Variants in PDE4D observed in about 807,000 individuals in gnomAD.
The protein encoded by PDE4D is 3',5'-cyclic-AMP phosphodiesterase 4D.
In PDE4D, 24 loss-of-function variants were observed where a neutral mutation model predicts 87.4. The observed-to-expected ratio is 0.27, with a 90% CI of 0.20 to 0.39. PDE4D has a LOEUF of 0.39. Among genes scored for constraint, PDE4D ranks in the 10% least tolerant of loss-of-function variants. PDE4D has a pLI of 1.00. For synonymous variants in PDE4D, 384 were observed against 383.2 expected (o/e 1.00, Z -0.02); for missense variants, 714 against 1,041.0 (o/e 0.69, Z 4.32).
chr5:59,477,604 A>G (rs886555393), intron 1 of PDE4D, among the ~76,000 whole-genome samples: 2 of 152,130 alleles, frequency 1.3e-5, no homozygotes, highest in Non-Finnish European at 2.9e-5. Flanking sequence ...GTTGGTGGAC[A>G]TGTAAATTAC....
intron 1 of PDE4D, among the ~76,000 whole-genome samples, chr5:60,383,969 G>A (rs1010399576): frequency 6.6e-6 from 1 of 152,154 alleles, no homozygotes; most frequent in African/African-American, 2.4e-5. Flanking sequence ...TACTGTAATA[G>A]CTAAGCAGTC....
At chr5:59,450,434 T>C (rs1214382471) in intron 1 of PDE4D, among the ~76,000 whole-genome samples, 2 of 152,200 alleles carry the variant, frequency 1.3e-5, no homozygotes, top group African/African-American at 2.4e-5. Context: ...CTGAGTACAC[T>C]GTGTCCATCT....
In PDE4D at chr5:59,485,553, C is replaced by G. The variant is rs1056108036; in HGVS notation, c.456-269585G>C. Among the ~76,000 whole-genome samples, 6 of 151,894 alleles carry G rather than the reference C, an allele frequency of 4.0e-5. No homozygotes were observed. The East Asian group carries it at 1.2e-3, about 29-fold the overall frequency. ...ATGATGCTTTGAAGAAAGGCTACTA[C>G]CAAACTTAGCAGTTACATATTTTTA... On this transcript the variant is annotated intron_variant, in intron 1 of 14. Coordinates refer to ENST00000340635, the MANE Select transcript of PDE4D (RefSeq NM_001104631.2).
At chr5:59,201,172 T>A (rs938460956) in intron 2 of PDE4D, among the ~76,000 whole-genome samples, 2 of 152,142 alleles carry the variant, frequency 1.3e-5, no homozygotes, top group Admixed American at 1.3e-4. Context: ...CATTCATTTT[T>A]AAAAAGCTAC....
At chr5:59,805,364 C>A (rs1767619984) in intron 1 of PDE4D, among the ~76,000 whole-genome samples, 1 of 152,170 alleles carries the variant, frequency 6.6e-6, no homozygotes. Flanking sequence ...GGAAACAGTT[C>A]TTTCTTAAAT....
chr5:60,314,093 C>A (rs1157566445), intron 1 of PDE4D, among the ~76,000 whole-genome samples: 4 of 151,668 alleles, frequency 2.6e-5, no homozygotes, highest in Non-Finnish European at 5.9e-5. Context: ...CTAGCCAGAA[C>A]AACAGGCAAG....
In PDE4D at chr5:59,639,726, C is replaced by T. The variant is rs369673379; in HGVS notation, c.455+253442G>A. On this transcript the variant is annotated intron_variant, in intron 1 of 14. Coordinates refer to ENST00000340635, the MANE Select transcript of PDE4D (RefSeq NM_001104631.2). The stretch of plus-strand genomic sequence containing the variant: ...AATATATAGCATTCCAGGACACAGA[C>T]CCACACATTCCTGACAAACACAAAT... 2.9e-4 allele frequency among the ~76,000 whole-genome samples: 44 copies of T among 152,156 alleles called. No individual in the cohort carries two copies. In the South Asian group the frequency reaches 9.1e-3, roughly 32 times the overall value.
intron 1 of PDE4D, among the ~76,000 whole-genome samples, chr5:60,417,457 T>C (rs141195171): frequency 6.6e-6 from 1 of 152,358 alleles, no homozygotes; most frequent in Non-Finnish European, 1.5e-5. Flanking sequence ...GTAGTACCAG[T>C]TAATACATTC....
chr5:60,254,571 T>C (rs751845582), intron 1 of PDE4D, among the ~76,000 whole-genome samples: 2 of 151,904 alleles, frequency 1.3e-5, no homozygotes, highest in African/African-American at 4.8e-5. Context: ...TGTCCCTTCA[T>C]ATAATCCTGT....
intron 1 of PDE4D, among the ~76,000 whole-genome samples, chr5:59,354,219 GT>G (rs1780982094): frequency 6.6e-6 from 1 of 152,112 alleles, no homozygotes; most frequent in African/African-American, 2.4e-5. Flanking sequence ...ATGAAGAAAT[GT>G]TGTCCAATGT....
chr5:59,093,807 A>ACAT (rs1479095945), intron 5 of PDE4D, among the ~76,000 whole-genome samples: 1 of 152,210 alleles, frequency 6.6e-6, no homozygotes, highest in Non-Finnish European at 1.5e-5. Flanking sequence ...GAAGAAGCAA[A>ACAT]CATCAACTGA....
chr5:59,421,237 T>C (rs1056952582), intron 1 of PDE4D, among the ~76,000 whole-genome samples: 6 of 152,150 alleles, frequency 3.9e-5, no homozygotes, highest in Admixed American at 2.6e-4. Context: ...GAAAGAAACA[T>C]CAGAGCAGTA....
rs545915399 is a variant in PDE4D at position 59,124,966 on chromosome 5, A to ATTTCT, written c.808+55624_808+55628dup. 1.1e-4 allele frequency among the ~76,000 whole-genome samples: 16 copies of ATTTCT among 151,042 alleles called. No individual in the cohort carries two copies. The East Asian group carries it at 2.5e-3, about 24-fold the overall frequency. On this transcript the variant is annotated intron_variant, in intron 5 of 14. Coordinates refer to ENST00000340635, the MANE Select transcript of PDE4D (RefSeq NM_001104631.2). Reference sequence around the variant, plus strand: ...TTAAGATCTCTTGCTTTCTGGGTACATTTCTTTTCTTTTCTTTTCTTTTTT... The same window carrying ATTTCT: ...TTAAGATCTCTTGCTTTCTGGGTACATTTCTTTTCTTTTCTTTTCTTTTCTTTTTT...
rs144752309 is a variant in PDE4D, at chr5:60,217,385, A to G, written c.-89-31698T>C. Among the ~76,000 whole-genome samples the G allele has an allele frequency of 1.4e-3, 207 of 152,164 alleles. 1 individual carries two copies. The highest frequency in any genetic ancestry group is 4.7e-3 in the African/African-American group (197 of 41,556). On this transcript the variant is annotated intron_variant, in intron 1 of 16. Coordinates refer to the PDE4D transcript ENST00000502484. ...TGTTTTTATTAACACTAAACTTTATACTTAAAAATGGCCAAGATGGTAAAT... is the reference window on the plus strand; with the variant it reads ...TGTTTTTATTAACACTAAACTTTATGCTTAAAAATGGCCAAGATGGTAAAT...
At chr5:59,205,957 G>A (rs1448570903) in intron 2 of PDE4D, among the ~76,000 whole-genome samples, 1 of 151,988 alleles carries the variant, frequency 6.6e-6, no homozygotes, top group Non-Finnish European at 1.5e-5. Flanking sequence ...TTTGTTGAGG[G>A]GTGAGCAGTT....
At chr5:59,563,011 G>A (rs1820292272) in intron 1 of PDE4D, among the ~76,000 whole-genome samples, 1 of 152,114 alleles carries the variant, frequency 6.6e-6, no homozygotes, top group Non-Finnish European at 1.5e-5. Context: ...AAATATTAAG[G>A]TGCATGTGAT....
At chr5:59,239,852 C>G (rs1481889552) in intron 1 of PDE4D, among the ~76,000 whole-genome samples, 1 of 152,122 alleles carries the variant, frequency 6.6e-6, no homozygotes, top group African/African-American at 2.4e-5. Context: ...CTGCAACACT[C>G]AAAAAGGATT....
At chr5:59,478,026 T>C (rs1803614512) in intron 1 of PDE4D, among the ~76,000 whole-genome samples, 1 of 151,776 alleles carries the variant, frequency 6.6e-6, no homozygotes, top group Admixed American at 6.6e-5. Context: ...GAACAACAGA[T>C]ACTGCAGACT....
intron 1 of PDE4D, among the ~76,000 whole-genome samples, chr5:59,379,064 C>T (rs1396871575): frequency 6.6e-6 from 1 of 152,076 alleles, no homozygotes; most frequent in Non-Finnish European, 1.5e-5. Context: ...TCAATATCAG[C>T]ACTGCAGGCC....
Sources: allele counts gnomAD v4.1 joint callset (sites outside exome capture counted in the v4.1 genomes callset), GRCh38; gene constraint gnomAD v4.1.1; transcripts MANE v1.5; gene names NCBI Gene and HGNC (gene_info 2026-07-23, HGNC 2026-07-21).